The following PUM2 variants were observed in gnomAD, a reference collection of about 807,000 sequenced individuals.
The protein encoded by PUM2 is pumilio homolog 2.
In PUM2, 57 loss-of-function variants were observed where a neutral mutation model predicts 124.5. That is an observed-to-expected ratio of 0.46 (90% CI 0.37 to 0.57). The LOEUF (loss-of-function observed/expected upper bound fraction) is 0.57. Among genes scored for constraint, PUM2 ranks in the 20% least tolerant of loss-of-function variants. PUM2 has a pLI of 0.00. For missense variants in PUM2, 1,065 were observed against 1,290.6 expected (o/e 0.83, Z 2.68); for synonymous variants, 460 against 446.1 (o/e 1.03, Z -0.39).
At chr2:20,286,652 A>G (rs1672809761) in intron 10 of PUM2, among the ~76,000 whole-genome samples, 1 of 152,112 alleles carries the variant, frequency 6.6e-6, no homozygotes. Flanking sequence ...TTTCATTCAT[A>G]TCAGCTCCTA....
At position 20,345,255 on chromosome 2, in the gene PUM2, T is replaced by C. The variant is rs571375199; in HGVS notation, c.-19+5342A>G. 6.6e-5 allele frequency among the ~76,000 whole-genome samples: 10 copies of C among 151,836 alleles called. No individual in the cohort carries two copies. The South Asian group carries it at 2.1e-3, about 32-fold the overall frequency. Reference sequence around the variant, plus strand: ...CCTCCCAAATAGCTTGGACTGTAAGTGCGTGCCACCATGCCAGACTAATTT... The same window carrying C: ...CCTCCCAAATAGCTTGGACTGTAAGCGCGTGCCACCATGCCAGACTAATTT... On this transcript the variant is annotated intron_variant, in intron 1 of 20. Coordinates refer to ENST00000361078, the MANE Select transcript of PUM2 (RefSeq NM_015317.5).
At chr2:20,313,269 G>C (rs905514840) in intron 3 of PUM2, among the ~76,000 whole-genome samples, 3 of 152,192 alleles carry the variant, frequency 2.0e-5, no homozygotes, top group African/African-American at 7.2e-5. Context: ...AGAGTGAACA[G>C]GCAACCTACA....
intron 13 of PUM2, among the ~76,000 whole-genome samples, chr2:20,274,901 A>C (rs977036388): frequency 3.4e-5 from 5 of 147,168 alleles, no homozygotes; most frequent in African/African-American, 1.2e-4. Flanking sequence ...CTCCAGGTAG[A>C]AAAATAAGGC....
At chr2:20,264,156 G>C (rs1342466465) in intron 13 of PUM2, among the ~76,000 whole-genome samples, 2 of 150,670 alleles carry the variant, frequency 1.3e-5, no homozygotes, top group Admixed American at 6.6e-5. Flanking sequence ...GGCCAACGTG[G>C]TGAAACCCTG....
At chr2:20,339,500 A>G (rs1023175712) in intron 1 of PUM2, among the ~76,000 whole-genome samples, 1 of 152,248 alleles carries the variant, frequency 6.6e-6, no homozygotes, top group Admixed American at 6.5e-5. Flanking sequence ...AAATATCTTT[A>G]GCCTTACTTT....
intron 1 of PUM2, among the ~76,000 whole-genome samples, chr2:20,337,856 A>G (rs1298075151): frequency 6.6e-6 from 1 of 152,140 alleles, no homozygotes; most frequent in East Asian, 1.9e-4. Flanking sequence ...TAACAACAGA[A>G]ATTTTATTGA....
intron 2 of PUM2, chr2:20,326,404 G>C (rs1572943823): frequency 1.5e-6 from 2 of 1,304,214 alleles, no homozygotes; most frequent in Middle Eastern, 4.3e-4. Flanking sequence ...CACAGCATTG[G>C]ATGGAGTGAG....
At chr2:20,328,847 ACT>A (rs1684270363) in intron 1 of PUM2, among the ~76,000 whole-genome samples, 1 of 152,036 alleles carries the variant, frequency 6.6e-6, no homozygotes, top group South Asian at 2.1e-4. Flanking sequence ...AACAAAGATG[ACT>A]CTCTAAATTG....
At chr2:20,307,386 C>G (rs1391626432) in intron 7 of PUM2, among the ~76,000 whole-genome samples, 2 of 151,496 alleles carry the variant, frequency 1.3e-5, no homozygotes, top group Non-Finnish European at 2.9e-5. Flanking sequence ...AATGTTTACA[C>G]AAATCTACAC....
Position 20,254,721 on chromosome 2 carries a change from A to C in PUM2, c.2870+142T>G, listed in dbSNP as rs187381080. The C allele has an allele frequency of 9.8e-6, 8 of 818,812 alleles. No individual in the cohort carries two copies. In the East Asian group the frequency reaches 2.4e-4, roughly 25 times the overall value. 50.7% of individuals were successfully genotyped at this position (818,812 alleles called of 1,614,324 possible). On this transcript the variant is annotated intron_variant, in intron 19 of 20. Coordinates refer to ENST00000361078, the MANE Select transcript of PUM2 (RefSeq NM_015317.5). ...GTAGATTTTTTTAAAAAACAAAAGC[A>C]ATGTTCTATAGGTGCATTTTAATGA...
At chr2:20,269,134 ATTC>A (rs1017029969) in intron 13 of PUM2, among the ~76,000 whole-genome samples, 3 of 152,092 alleles carry the variant, frequency 2.0e-5, no homozygotes, top group Non-Finnish European at 4.4e-5. Flanking sequence ...CTCACATGCC[ATTC>A]TTAAGTCTGC....
chr2:20,278,112 A>ACACTAAATTCAAATT (rs1159061962), intron 13 of PUM2, among the ~76,000 whole-genome samples: 1 of 152,198 alleles, frequency 6.6e-6, no homozygotes, highest in Non-Finnish European at 1.5e-5. Flanking sequence ...AGTGACAAAT[A>ACACTAAATTCAAATT]CACTAAATTC....
chr2:20,275,844 T>C (rs1670110175), intron 13 of PUM2, among the ~76,000 whole-genome samples: 1 of 151,876 alleles, frequency 6.6e-6, no homozygotes, highest in South Asian at 2.1e-4. Flanking sequence ...AAAAAAAAGA[T>C]GAAGGAAAAA....
At chr2:20,279,399 C>T (rs114577756) in intron 12 of PUM2, among the ~76,000 whole-genome samples, 1,784 of 152,154 alleles carry the variant, frequency 0.012, 24 homozygotes, top group African/African-American at 0.04. Context: ...TTTTACACTA[C>T]GCATTCTCCC....
chr2:20,296,035 C>T (rs1675443993), intron 8 of PUM2, among the ~76,000 whole-genome samples: 1 of 152,170 alleles, frequency 6.6e-6, no homozygotes, highest in Non-Finnish European at 1.5e-5. Context: ...CAACACTTTA[C>T]ATAGTAACAT....
At chr2:20,330,326 C>A (rs1028433228) in intron 1 of PUM2, among the ~76,000 whole-genome samples, 1 of 152,214 alleles carries the variant, frequency 6.6e-6, no homozygotes, top group Non-Finnish European at 1.5e-5. Flanking sequence ...CCCCTGGAAT[C>A]ACTGGAGTGA....
At chr2:20,311,437 A>C in intron 5 of PUM2, 57 bp downstream of exon 5, 1 of 1,471,268 alleles carries the variant, frequency 6.8e-7, no homozygotes, top group East Asian at 2.3e-5. Context: ...CACATCAACT[A>C]ATAGTAATAA....
intron 1 of PUM2, among the ~76,000 whole-genome samples, chr2:20,346,711 AAAT>A (rs1040058114): frequency 1.3e-5 from 2 of 152,214 alleles, no homozygotes; most frequent in Non-Finnish European, 2.9e-5. Context: ...AAAAAAATGT[AAAT>A]AATCCTTCCC....
intron 9 of PUM2, among the ~76,000 whole-genome samples, chr2:20,293,799 C>T (rs145186447): frequency 5.2e-4 from 79 of 152,076 alleles, no homozygotes; most frequent in Non-Finnish European, 1.0e-3. Context: ...GGTGCTTCTT[C>T]GGTATAAATA....
Sources: gnomAD v4.1 joint callset for allele counts (sites outside exome capture counted in the v4.1 genomes callset) on GRCh38, gnomAD v4.1.1 for gene constraint, MANE v1.5 for transcripts, NCBI Gene and HGNC (gene_info 2026-07-23, HGNC 2026-07-21) for gene names.